INPP4B: variants seen among roughly 807,000 people sequenced by gnomAD.
INPP4B encodes the protein inositol polyphosphate 4-phosphatase type II.
Under a neutral mutation model 122.5 loss-of-function variants are expected in INPP4B, and 55 were observed. The observed-to-expected ratio is 0.45, with a 90% CI of 0.36 to 0.56. The LOEUF (loss-of-function observed/expected upper bound fraction) is 0.56, where lower values mean the gene tolerates loss of function less well. INPP4B is among the 20% of genes least tolerant of loss of function. The pLI is 0.00. For missense variants in INPP4B, 1,000 were observed against 1,097.7 expected (o/e 0.91, Z 1.26); for synonymous variants, 403 against 388.7 (o/e 1.04, Z -0.43).
intron 21 of INPP4B, 47 bp downstream of exon 21, chr4:142,122,081 C>G (rs555525429): frequency 8.3e-7 from 1 of 1,204,976 alleles, no homozygotes; most frequent in Admixed American, 1.9e-5. Context: ...GGAGTTAACA[C>G]GACATGTCTA....
intron 23 of INPP4B, among the ~76,000 whole-genome samples, chr4:142,102,007 T>C (rs1279628181): frequency 6.6e-6 from 1 of 152,018 alleles, no homozygotes. Flanking sequence ...AGAGTAAAGC[T>C]CCTCCTTCTC....
At chr4:142,692,914 T>TATAGACAGATAG (rs1553991784) in intron 2 of INPP4B, among the ~76,000 whole-genome samples, 1 of 148,238 alleles carries the variant, frequency 6.7e-6, no homozygotes, top group Non-Finnish European at 1.5e-5. Context: ...GGCTAGTCTC[T>TATAGACAGATAG]ATAGATAGAT....
At chr4:142,047,806 T>C (rs781240934) in intron 25 of INPP4B, among the ~76,000 whole-genome samples, 4 of 152,060 alleles carry the variant, frequency 2.6e-5, no homozygotes, top group Non-Finnish European at 5.9e-5. Flanking sequence ...AAAATCTCTC[T>C]ATTTCCCAGC....
In INPP4B at chr4:142,105,532, T is replaced by G. The variant is rs576338636; in HGVS notation, c.2374+2561A>C. On this transcript the variant is annotated intron_variant, in intron 23 of 25. Coordinates refer to ENST00000262992, the MANE Select transcript of INPP4B (RefSeq NM_001101669.3). ...CTTCTATATGAGAAGAGTAAAAAGA[T>G]GAGAGCCACTTGACTGGGAGTGAAT... Among the ~76,000 whole-genome samples the G allele has an allele frequency of 5.3e-5, 8 of 152,272 alleles. No individual in the cohort carries two copies. The East Asian group carries it at 1.4e-3, about 26-fold the overall frequency.
intron 2 of INPP4B, among the ~76,000 whole-genome samples, chr4:142,528,374 T>C (rs972687495): frequency 6.6e-6 from 1 of 152,090 alleles, no homozygotes; most frequent in Non-Finnish European, 1.5e-5. Context: ...ACTTCCAATC[T>C]ACTCATGTAG....
chr4:142,435,957 G>C lies in INPP4B; in HGVS notation c.-126-4572C>G, dbSNP rs1010737865. ...CTGTCTAAACCTTATGAGCTCCTTG[G>C]AGGAGGGGCAGGAGCCAACATTGCA... On this transcript the variant is annotated intron_variant, in intron 3 of 25. Transcript: ENST00000262992. 2.9e-4 allele frequency among the ~76,000 whole-genome samples: 44 copies of C among 152,266 alleles called. 1 individual carries two copies. Among genetic ancestry groups the C allele is most frequent in the African/African-American group, 8.9e-4 (37 of 41,560 alleles).
rs17015576 is a variant in INPP4B at position 142,132,179 on chromosome 4, A to G, written c.1721-7419T>C. Reference sequence around the variant, plus strand: ...GGACTGATTTTCATGAAGTTATCATATAGCATCACAAGTTTGTGCCTGAAA... The same window carrying G: ...GGACTGATTTTCATGAAGTTATCATGTAGCATCACAAGTTTGTGCCTGAAA... On this transcript the variant is annotated intron_variant, in intron 18 of 25. Transcript: ENST00000262992. Among the ~76,000 whole-genome samples the G allele has an allele frequency of 5.2e-3, 789 of 152,288 alleles. 3 individuals carry two copies. The highest frequency in any genetic ancestry group is 0.02 in the Middle Eastern group (6 of 294).
chr4:142,335,933 T>C (rs1776410195), intron 7 of INPP4B, among the ~76,000 whole-genome samples: 1 of 152,210 alleles, frequency 6.6e-6, no homozygotes, highest in Admixed American at 6.5e-5. Flanking sequence ...GCTGAGGTTC[T>C]GGTACAGTCC....
At chr4:142,090,442 T>A (rs1778997260) in intron 23 of INPP4B, among the ~76,000 whole-genome samples, 1 of 151,916 alleles carries the variant, frequency 6.6e-6, no homozygotes. Context: ...ACCACAGAAA[T>A]TCAGGTCTGG....
At chr4:142,198,646 T>G (rs2636689) in intron 14 of INPP4B, among the ~76,000 whole-genome samples, 137,369 of 151,692 alleles carry the variant, frequency 0.91, 62,483 homozygotes, top group East Asian at 0.96. Flanking sequence ...TTCCCTACAG[T>G]ATTCCTTTGC....
chr4:142,676,374 C>T (rs9687586), intron 2 of INPP4B, among the ~76,000 whole-genome samples: 1 of 152,092 alleles, frequency 6.6e-6, no homozygotes, highest in Non-Finnish European at 1.5e-5. Context: ...ACATTCCATG[C>T]TCATAGACAG....
At chr4:142,337,029 G>T (rs1032071099) in intron 7 of INPP4B, among the ~76,000 whole-genome samples, 1 of 151,944 alleles carries the variant, frequency 6.6e-6, no homozygotes, top group African/African-American at 2.4e-5. Flanking sequence ...AACAGTGTGG[G>T]TTTTCTTTTT....
intron 1 of INPP4B, among the ~76,000 whole-genome samples, chr4:142,755,087 T>G (rs1299860000): frequency 6.6e-6 from 1 of 152,064 alleles, no homozygotes; most frequent in African/African-American, 2.4e-5. Flanking sequence ...TTCTGATGAC[T>G]GATCCCATTT....
intron 1 of INPP4B, among the ~76,000 whole-genome samples, chr4:142,836,276 AAC>A (rs137941672): frequency 3.3e-5 from 5 of 151,786 alleles, no homozygotes; most frequent in East Asian, 1.9e-4. Context: ...GGGGCACACA[AAC>A]ACACACACAC....
chr4:142,365,957 C>A (rs1260848553), intron 7 of INPP4B, among the ~76,000 whole-genome samples: 3 of 151,956 alleles, frequency 2.0e-5, no homozygotes, highest in Non-Finnish European at 4.4e-5. Context: ...GGGGCAGCAA[C>A]AATTTTTGGG....
chr4:142,403,769 G>T (rs1368905752), intron 6 of INPP4B, among the ~76,000 whole-genome samples: 1 of 152,120 alleles, frequency 6.6e-6, no homozygotes, highest in Non-Finnish European at 1.5e-5. Context: ...GGAAATTTCT[G>T]GAAGCCCAAG....
At chr4:142,672,639 A>G (rs1757171713) in intron 2 of INPP4B, among the ~76,000 whole-genome samples, 2 of 152,106 alleles carry the variant, frequency 1.3e-5, no homozygotes, top group South Asian at 4.1e-4. Flanking sequence ...TTATTTATAT[A>G]TTCTAGACAC....
chr4:142,571,262 C>A (rs1330449237), intron 2 of INPP4B, among the ~76,000 whole-genome samples: 3 of 151,928 alleles, frequency 2.0e-5, no homozygotes, highest in Admixed American at 2.0e-4. Context: ...TGACTTACAA[C>A]CCCAGCAACC....
intron 1 of INPP4B, among the ~76,000 whole-genome samples, chr4:142,759,484 AATTACCT>A (rs747881880): frequency 2.6e-5 from 4 of 152,122 alleles, no homozygotes; most frequent in Non-Finnish European, 5.9e-5. Context: ...ACTCAAAATG[AATTACCT>A]ATCCCAAGAA....
Sources: allele counts gnomAD v4.1 joint callset (sites outside exome capture counted in the v4.1 genomes callset), GRCh38; gene constraint gnomAD v4.1.1; transcripts MANE v1.5; gene names NCBI Gene and HGNC (gene_info 2026-07-23, HGNC 2026-07-21).